Variants in BAHD1 observed in about 807,000 individuals in gnomAD.
The protein encoded by BAHD1 is bromo adjacent homology domain containing 1.
In BAHD1, 20 loss-of-function variants were observed where a neutral mutation model predicts 63.1. The observed-to-expected ratio is 0.32, with a 90% CI of 0.22 to 0.46. The LOEUF (loss-of-function observed/expected upper bound fraction) is 0.46, where lower values mean the gene tolerates loss of function less well. Among genes scored for constraint, BAHD1 ranks in the 20% least tolerant of loss-of-function variants. BAHD1 has a pLI of 1.00. For synonymous variants in BAHD1, 408 were observed against 426.8 expected (o/e 0.96, Z 0.54); for missense variants, 939 against 1,071.8 (o/e 0.88, Z 1.73).
At chr15:40,437,819 G>A (rs894184911), upstream of BAHD1, among the ~76,000 whole-genome samples, 56 of 152,182 alleles carry the variant, frequency 3.7e-4, no homozygotes, top group Admixed American at 3.5e-3. Flanking sequence ...AGGTGCTGGG[G>A]CTGGGCTGGA....
intron 1 of BAHD1, among the ~76,000 whole-genome samples, chr15:40,448,648 C>T (rs1171167285): frequency 6.6e-6 from 1 of 152,118 alleles, no homozygotes; most frequent in African/African-American, 2.4e-5. Flanking sequence ...GTGATCCTCC[C>T]ACCTCAGCCT....
At position 40,458,125 on chromosome 15, in the gene BAHD1, GA is replaced by G. The variant is rs147848612; in HGVS notation, c.-14-325del. On this transcript the variant is annotated intron_variant, in intron 1 of 6. Transcript: ENST00000416165. This position sits in a 1 kb window ranked among gnomAD's most constrained non-coding sequence, Gnocchi z 4.7. ...ATATCTAGTGAGAGAAGGACAGGGG[GA>G]GAGAACAAAGAGCTTTGCCACCAGC... Among the ~76,000 whole-genome samples the G allele has an allele frequency of 1.6e-3, 241 of 152,318 alleles. No homozygotes were observed. Among genetic ancestry groups the G allele is most frequent in the African/African-American group, 5.2e-3 (217 of 41,564 alleles).
intron 1 of BAHD1, among the ~76,000 whole-genome samples, chr15:40,456,468 C>T (rs1000725808): frequency 7.2e-5 from 11 of 152,228 alleles, no homozygotes; most frequent in Admixed American, 6.5e-4. Context: ...GGCAAGTCCC[C>T]GCACGTGGCC....
In BAHD1 at chr15:40,458,323, A is replaced by G. The variant is rs923251464; in HGVS notation, c.-14-128A>G. 1.2e-5 allele frequency: 15 copies of G among 1,274,198 alleles called. No individual in the cohort carries two copies. Among genetic ancestry groups the G allele is most frequent in the Non-Finnish European group, 1.6e-5 (15 of 944,564 alleles). 78.9% of individuals were successfully genotyped at this position (1,274,198 alleles called of 1,614,324 possible). On this transcript the variant is annotated intron_variant, in intron 1 of 6. Coordinates refer to ENST00000416165, the MANE Select transcript of BAHD1 (RefSeq NM_014952.5). This position sits in a 1 kb window ranked among gnomAD's most constrained non-coding sequence, Gnocchi z 4.7. ...TGGAAAGGGAGTCCCAGGAAAATCC[A>G]TACTGGAGACAGGGTAGTTGTAGGC...
In BAHD1 at chr15:40,459,625, G is replaced by C; in HGVS notation, c.1161G>C (p.Gly387=). ...TCTACCTGTACTGTGGCCAAGAGGG[G>C]CTGCAGTGTGGGGGCTACTCGCCCT... ...GSFYLYCGQE[G]LQCGGYSPCP... is the part of the protein sequence containing the mutation. Residue 387 remains glycine, a synonymous_variant, in exon 2 of 7, where the codon GGG becomes GGC. Transcript: ENST00000416165. 6.2e-7 allele frequency: 1 copy of C among 1,614,152 alleles called. No homozygotes were observed. Among genetic ancestry groups the C allele is most frequent in the Non-Finnish European group, 8.5e-7 (1 of 1,180,036 alleles).
At chr15:40,441,874 G>A (rs1893413972) in intron 1 of BAHD1, among the ~76,000 whole-genome samples, 1 of 151,904 alleles carries the variant, frequency 6.6e-6, no homozygotes, top group African/African-American at 2.4e-5. Context: ...GGCCGCGCCG[G>A]GCCGGGGGCG....
At position 40,459,478 on chromosome 15, in the gene BAHD1, T is replaced by A; in HGVS notation, c.1014T>A (p.Pro338=). 1.2e-6 allele frequency: 2 copies of A among 1,613,740 alleles called. No individual in the cohort carries two copies. The highest frequency in any genetic ancestry group is 1.7e-6 in the Non-Finnish European group (2 of 1,179,956). The change falls in exon 2 of 7, where the codon CCT becomes CCA. Residue 338 remains proline (P), a synonymous_variant. Transcript: ENST00000416165. ...PGRPGEESPA[P]KQELHQPSFP... is the part of the protein sequence containing the mutation. ...GCCCAGGCGAGGAGTCACCTGCCCC[T>A]AAGCAGGAACTGCATCAGCCCTCTT...
intron 5 of BAHD1, chr15:40,465,038 G>A (rs1367170925): frequency 4.5e-6 from 2 of 446,072 alleles, no homozygotes; most frequent in African/African-American, 2.0e-5. Context: ...CCATCTAACT[G>A]GAAAGATGAA....
intron 1 of BAHD1, among the ~76,000 whole-genome samples, chr15:40,454,977 A>G (rs1052094375): frequency 4.6e-5 from 7 of 152,174 alleles, no homozygotes; most frequent in Non-Finnish European, 7.3e-5. Context: ...CCCCAGGGAA[A>G]AAGTTGCAGC....
At chr15:40,460,407 A>G (rs1386027149) in intron 2 of BAHD1, among the ~76,000 whole-genome samples, 1 of 152,214 alleles carries the variant, frequency 6.6e-6, no homozygotes, top group African/African-American at 2.4e-5. Context: ...CCTACTGCAC[A>G]GGGCAGCTTT....
intron 1 of BAHD1, among the ~76,000 whole-genome samples, chr15:40,457,570 G>C (rs1436147276): frequency 1.3e-5 from 2 of 152,238 alleles, no homozygotes; most frequent in Non-Finnish European, 2.9e-5. Flanking sequence ...AGTCCTCAGA[G>C]ACTGAACTTT....
intron 1 of BAHD1, among the ~76,000 whole-genome samples, chr15:40,449,181 A>G (rs982899099): frequency 2.6e-5 from 4 of 152,098 alleles, no homozygotes; most frequent in Non-Finnish European, 5.9e-5. Context: ...ACTAGCTCAT[A>G]AGGCTGTTGG....
At position 40,459,891 on chromosome 15, in the gene BAHD1, C is replaced by T; in HGVS notation, c.1427C>T (p.Ala476Val). The part of the protein sequence containing the change: ...CGGCPYKMPF[A>V]AEGCRSLGQL... ...GGCTGCCCATACAAAATGCCTTTTG[C>T]AGCAGGTGAGGCTTCCTGGGCCCAA... Residue 476 changes from alanine (A) to valine (V), a missense_variant, in exon 2 of 7, where the codon GCA becomes GTA. Ala to Val is a moderately conservative substitution (Grantham distance 64). Around this residue, in one of 5 missense-constraint regions of BAHD1, gnomAD observed 797 missense variants for 813.3 expected, o/e 0.98. Coordinates refer to ENST00000416165, the MANE Select transcript of BAHD1 (RefSeq NM_014952.5). The T allele has an allele frequency of 6.3e-7, 1 of 1,579,778 alleles. No homozygotes were observed. Among genetic ancestry groups the T allele is most frequent in the East Asian group, 2.2e-5 (1 of 44,518 alleles).
At chr15:40,461,856 G>A in intron 2 of BAHD1, 56 bp from the exon 3 acceptor site, 1 of 1,518,762 alleles carries the variant, frequency 6.6e-7, no homozygotes, top group Admixed American at 2.1e-5. Context: ...TCTGAAAGCA[G>A]ATGGGTGATG....
Position 40,463,907 on chromosome 15 carries a change from G to A in BAHD1, c.1862G>A (p.Arg621Gln), listed in dbSNP as rs371439925. ...AIRKSYQAVE[R>Q]HGETIRVRDT... is the part of the protein sequence containing the mutation. ...CGAAAGAGCTACCAGGCGGTAGAGCGGCATGGGGAGACAATCCGAGTCCGG... is the reference window on the plus strand; with the variant it reads ...CGAAAGAGCTACCAGGCGGTAGAGCAGCATGGGGAGACAATCCGAGTCCGG... Residue 621 changes from arginine (R) to glutamine (Q), a missense_variant, in exon 4 of 7, where the codon CGG becomes CAG. By Grantham distance (43) the Arg-to-Gln change is conservative. This residue lies in a region of BAHD1 where 35 missense variants were observed against 56.5 expected (regional missense o/e 0.62). Transcript: ENST00000416165. 1 of 1,614,224 alleles carries A rather than the reference G, an allele frequency of 6.2e-7. No homozygotes were observed. The highest frequency in any genetic ancestry group is 8.5e-7 in the Non-Finnish European group (1 of 1,180,046).
intron 4 of BAHD1, chr15:40,464,251 T>C: frequency 1.5e-6 from 1 of 654,270 alleles, no homozygotes; most frequent in Non-Finnish European, 2.6e-6. Context: ...CCTGGGCACC[T>C]GTCCCCCCAC....
chr15:40,438,539 G>A (rs1893322919), upstream of BAHD1, among the ~76,000 whole-genome samples: 1 of 152,172 alleles, frequency 6.6e-6, no homozygotes, highest in Non-Finnish European at 1.5e-5. Flanking sequence ...TGGAGGCTCT[G>A]AGGGGAGAAC....
At chr15:40,452,734 T>C (rs563225585) in intron 1 of BAHD1, among the ~76,000 whole-genome samples, 2 of 152,276 alleles carry the variant, frequency 1.3e-5, no homozygotes, top group South Asian at 4.2e-4. Context: ...TTGGTTGTGC[T>C]CTGCTCGTGC....
At position 40,466,795 on chromosome 15, in the gene BAHD1, TC is replaced by T. The variant is rs1894223039; in HGVS notation, c.*666del. ...CATGGGTGTGGCCCACTTGTGGGAG[TC>T]TCCTGTCCACCTCCCAGAGACGGCC... is the stretch of plus-strand genomic sequence containing the variant. On this transcript the variant is annotated 3_prime_UTR_variant, in exon 7 of 7. Transcript: ENST00000416165. The T allele has an allele frequency of 1.3e-5, 2 of 152,062 alleles. No homozygotes were observed. The highest frequency in any genetic ancestry group is 2.9e-5 in the Non-Finnish European group (2 of 67,988). The allele number at this position is 152,062 out of a possible 1,614,324, so 9.4% of individuals were successfully genotyped here. A position where few individuals can be genotyped will look rare whatever the true frequency, so the allele number is the denominator to read the frequency against.
Sources: allele counts gnomAD v4.1 joint callset (sites outside exome capture counted in the v4.1 genomes callset), GRCh38; gene constraint gnomAD v4.1.1; regional missense constraint gnomAD v4.1.1; non-coding constraint Gnocchi (gnomAD v3.1); transcripts MANE v1.5; gene names NCBI Gene and HGNC (gene_info 2026-07-23, HGNC 2026-07-21).